KCNIP4: variants seen among roughly 807,000 people sequenced by gnomAD.
KCNIP4 encodes Kv channel-interacting protein 4.
A neutral mutation model predicts 34.0 loss-of-function variants in KCNIP4; 12 were observed. That is an observed-to-expected ratio of 0.35 (90% CI 0.23 to 0.57). The LOEUF (loss-of-function observed/expected upper bound fraction) is 0.57, where lower values mean the gene tolerates loss of function less well. KCNIP4 is among the 20% of genes least tolerant of loss of function. The pLI, the probability that KCNIP4 is intolerant of heterozygous loss-of-function variation, is 0.83. For synonymous variants in KCNIP4, 124 were observed against 102.2 expected, an observed-to-expected ratio of 1.21 and a Z score of -1.29; for missense variants, 238 against 311.7, an observed-to-expected ratio of 0.76 and a Z score of 1.78.
chr4:21,615,426 G>T (rs1232610768), intron 1 of KCNIP4, among the ~76,000 whole-genome samples: 1 of 151,254 alleles, frequency 6.6e-6, no homozygotes, highest in Non-Finnish European at 1.5e-5. Context: ...GGCGCCTGTA[G>T]GCCCAGCTAC....
At chr4:20,872,999 A>G (rs941450069) in intron 2 of KCNIP4, among the ~76,000 whole-genome samples, 26 of 152,282 alleles carry the variant, frequency 1.7e-4, no homozygotes, top group African/African-American at 6.3e-4. Flanking sequence ...AAATTTCACC[A>G]TTATCATTTT....
At chr4:21,648,465 T>A (rs929200782) in intron 1 of KCNIP4, among the ~76,000 whole-genome samples, 1 of 152,190 alleles carries the variant, frequency 6.6e-6, no homozygotes, top group African/African-American at 2.4e-5. Context: ...TAGTAATTCC[T>A]GGACTCTGGT....
intron 1 of KCNIP4, among the ~76,000 whole-genome samples, chr4:20,924,597 C>T (rs575149454): frequency 6.6e-5 from 10 of 152,234 alleles, no homozygotes; most frequent in African/African-American, 1.7e-4. Flanking sequence ...AATGACTTTG[C>T]GCCAGTTTCT....
intron 1 of KCNIP4, among the ~76,000 whole-genome samples, chr4:21,275,308 T>C (rs1483443401): frequency 6.6e-6 from 1 of 152,124 alleles, no homozygotes; most frequent in Admixed American, 6.5e-5. Context: ...TCCTGGAAGG[T>C]CACACACCTG....
At chr4:21,292,935 T>G (rs1763616829) in intron 1 of KCNIP4, among the ~76,000 whole-genome samples, 1 of 152,142 alleles carries the variant, frequency 6.6e-6, no homozygotes, top group Admixed American at 6.6e-5. Flanking sequence ...TAATTATAAA[T>G]TCAATGAATG....
At chr4:21,240,855 A>C (rs190733208) in intron 1 of KCNIP4, among the ~76,000 whole-genome samples, 79 of 152,298 alleles carry the variant, frequency 5.2e-4, no homozygotes, top group African/African-American at 1.9e-3. Context: ...AAAAATTTAC[A>C]TTTGCTTTAA....
chr4:21,344,107 T>G (rs2109354194), intron 1 of KCNIP4, among the ~76,000 whole-genome samples: 2 of 152,232 alleles, frequency 1.3e-5, no homozygotes, highest in African/African-American at 4.8e-5. Flanking sequence ...ACAAGACATG[T>G]GCTGACAAAG....
intron 1 of KCNIP4, among the ~76,000 whole-genome samples, chr4:21,321,394 A>G (rs1714398323): frequency 6.6e-6 from 1 of 152,204 alleles, no homozygotes; most frequent in Non-Finnish European, 1.5e-5. Context: ...TGGCTAAGTG[A>G]CAACCAGGGA....
intron 1 of KCNIP4, among the ~76,000 whole-genome samples, chr4:21,073,192 G>A (rs1429004369): frequency 6.6e-6 from 1 of 152,114 alleles, no homozygotes; most frequent in Non-Finnish European, 1.5e-5. Context: ...GAAAGTCATT[G>A]GTAGCTTGAT....
intron 3 of KCNIP4, among the ~76,000 whole-genome samples, chr4:20,815,866 A>G (rs754738289): frequency 6.6e-6 from 1 of 152,180 alleles, no homozygotes; most frequent in African/African-American, 2.4e-5. Flanking sequence ...TAAGAGGTCA[A>G]ATAACTTTCT....
chr4:21,242,415 A>G (rs1170482778), intron 1 of KCNIP4, among the ~76,000 whole-genome samples: 1 of 152,144 alleles, frequency 6.6e-6, no homozygotes, highest in African/African-American at 2.4e-5. Context: ...GATAAGGATA[A>G]TAATAGTCAT....
chr4:21,477,843 C>T (rs1731115316), intron 1 of KCNIP4, among the ~76,000 whole-genome samples: 1 of 152,160 alleles, frequency 6.6e-6, no homozygotes, highest in African/African-American at 2.4e-5. Context: ...GTCAGAATAA[C>T]AGTAGGGTAT....
rs552940514 is a variant in KCNIP4, at chr4:20,942,350, C to T, written c.62-59641G>A. On this transcript the variant is annotated intron_variant, in intron 1 of 8. Coordinates refer to ENST00000382152, the MANE Select transcript of KCNIP4 (RefSeq NM_025221.6). ...GATTTAGGAAACTGAAGGAACTCAG[C>T]CCAGGTCTCTCAGCTAGTAAACTGT... Among the ~76,000 whole-genome samples, 9 of 152,316 alleles carry T rather than the reference C, an allele frequency of 5.9e-5. No individual in the cohort carries two copies. In the East Asian group the frequency reaches 1.4e-3, roughly 23 times the overall value.
intron 1 of KCNIP4, among the ~76,000 whole-genome samples, chr4:21,434,540 C>A (rs755342966): frequency 4.0e-4 from 61 of 152,072 alleles, no homozygotes; most frequent in Non-Finnish European, 8.1e-4. Flanking sequence ...TGTTAGGAAC[C>A]GAGCAGCACA....
Position 21,033,733 on chromosome 4 carries a change from A to T in KCNIP4, c.62-151024T>A, listed in dbSNP as rs140520228. ...CACTCTCTATATAAAGTCTTCTATA[A>T]AAAGAAGAATTTTGAAGCAACTATC... is the stretch of plus-strand genomic sequence containing the variant. On this transcript the variant is annotated intron_variant, in intron 1 of 8. Coordinates refer to ENST00000382152, the MANE Select transcript of KCNIP4 (RefSeq NM_025221.6). Among the ~76,000 whole-genome samples, 435 of 152,290 alleles carry T rather than the reference A, an allele frequency of 2.9e-3. 15 individuals are homozygous for T. The East Asian group carries it at 0.065, about 23-fold the overall frequency.
intron 1 of KCNIP4, among the ~76,000 whole-genome samples, chr4:21,501,380 G>C (rs1037724401): frequency 7.2e-5 from 11 of 151,726 alleles, no homozygotes; most frequent in Non-Finnish European, 1.5e-4. Context: ...TTTGGAACGG[G>C]ACACAGTACT....
chr4:21,089,898 A>G (rs1174822204), intron 1 of KCNIP4, among the ~76,000 whole-genome samples: 1 of 152,194 alleles, frequency 6.6e-6, no homozygotes, highest in Non-Finnish European at 1.5e-5. Context: ...TGTCTATTCT[A>G]TGACACATCA....
At chr4:21,741,892 C>T (rs1716427112) in intron 1 of KCNIP4, among the ~76,000 whole-genome samples, 2 of 151,982 alleles carry the variant, frequency 1.3e-5, no homozygotes, top group South Asian at 4.1e-4. Flanking sequence ...CAAAAATTAG[C>T]TGGGCATGGT....
intron 1 of KCNIP4, among the ~76,000 whole-genome samples, chr4:21,106,136 T>C (rs1331783607): frequency 1.3e-5 from 2 of 151,630 alleles, no homozygotes; most frequent in Non-Finnish European, 2.9e-5. Flanking sequence ...GGATTCCCTC[T>C]TTTTCTATTG....
Sources: allele counts gnomAD v4.1 joint callset (sites outside exome capture counted in the v4.1 genomes callset), GRCh38; gene constraint gnomAD v4.1.1; transcripts MANE v1.5; gene names NCBI Gene and HGNC (gene_info 2026-07-23, HGNC 2026-07-21).